PDE3B: variants seen among roughly 807,000 people sequenced by gnomAD.
PDE3B encodes the protein cGMP-inhibited 3',5'-cyclic phosphodiesterase 3B.
In PDE3B, 66 loss-of-function variants were observed where a neutral mutation model predicts 116.8. That is an observed-to-expected ratio of 0.56 (90% CI 0.46 to 0.69). PDE3B has a LOEUF of 0.69. PDE3B is among the 30% of genes least tolerant of loss of function. The pLI is 0.00. For missense variants in PDE3B, 1,384 were observed against 1,368.1 expected (o/e 1.01, Z -0.18); for synonymous variants, 595 against 533.6 (o/e 1.12, Z -1.59).
At chr11:14,765,806 A>T (rs922239374) in intron 1 of PDE3B, among the ~76,000 whole-genome samples, 1 of 149,916 alleles carries the variant, frequency 6.7e-6, no homozygotes, top group Admixed American at 6.7e-5. Flanking sequence ...TGGGATTAAA[A>T]ATTTAATTTT....
At chr11:14,740,688 G>A (rs550975707) in intron 1 of PDE3B, among the ~76,000 whole-genome samples, 1 of 152,284 alleles carries the variant, frequency 6.6e-6, no homozygotes, top group South Asian at 2.1e-4. Context: ...TTTTAATTGT[G>A]ATGTTAGTGC....
chr11:14,718,999 G>T (rs1287459027), intron 1 of PDE3B, among the ~76,000 whole-genome samples: 1 of 109,316 alleles, frequency 9.1e-6, no homozygotes, highest in Non-Finnish European at 1.8e-5. Flanking sequence ...TTTTTGAAAG[G>T]ATCAACAAAA....
At chr11:14,795,778 AGT>A (rs992102951) in intron 4 of PDE3B, among the ~76,000 whole-genome samples, 4 of 151,740 alleles carry the variant, frequency 2.6e-5, no homozygotes, top group African/African-American at 9.7e-5. Flanking sequence ...AAGCTTTTAG[AGT>A]GTGTTTGTAT....
At chr11:14,806,781 C>G (rs1015132942) in intron 5 of PDE3B, among the ~76,000 whole-genome samples, 1 of 149,006 alleles carries the variant, frequency 6.7e-6, no homozygotes, top group African/African-American at 2.5e-5. Context: ...ATGGCATGAA[C>G]CCGGGAGGCG....
chr11:14,725,303 TTCTTTC>T (rs1391499383), intron 1 of PDE3B, among the ~76,000 whole-genome samples: 81 of 118,314 alleles, frequency 6.8e-4, no homozygotes, highest in African/African-American at 2.2e-3. Context: ...CTTTCTTTCT[TTCTTTC>T]TCTTTCTTTC....
chr11:14,736,875 A>T (rs1008923519), intron 1 of PDE3B, among the ~76,000 whole-genome samples: 2 of 152,172 alleles, frequency 1.3e-5, no homozygotes, highest in African/African-American at 4.8e-5. Context: ...CTAAGAAAAG[A>T]TTAAAGAAGT....
chr11:14,745,052 T>G (rs1255270814), intron 1 of PDE3B, among the ~76,000 whole-genome samples: 2 of 152,176 alleles, frequency 1.3e-5, no homozygotes, highest in Non-Finnish European at 2.9e-5. Context: ...CTTGAACTCC[T>G]GAGATCAAGC....
intron 13 of PDE3B, among the ~76,000 whole-genome samples, chr11:14,860,825 G>T (rs1382043421): frequency 6.6e-6 from 1 of 151,890 alleles, no homozygotes; most frequent in African/African-American, 2.4e-5. Flanking sequence ...CTTCTTAAGT[G>T]TTCTTTTTTG....
At chr11:14,649,529 C>T (rs561794182) in intron 1 of PDE3B, among the ~76,000 whole-genome samples, 1 of 152,278 alleles carries the variant, frequency 6.6e-6, no homozygotes, top group South Asian at 2.1e-4. Flanking sequence ...TATATACTTC[C>T]CATCATAGCC....
At chr11:14,732,332 T>C (rs1856480336) in intron 1 of PDE3B, among the ~76,000 whole-genome samples, 2 of 152,228 alleles carry the variant, frequency 1.3e-5, no homozygotes, top group South Asian at 4.1e-4. Flanking sequence ...GCTTAATTTT[T>C]CTGTTGTTAA....
intron 1 of PDE3B, among the ~76,000 whole-genome samples, chr11:14,732,942 C>T (rs761281393): frequency 6.6e-6 from 1 of 152,136 alleles, no homozygotes; most frequent in Non-Finnish European, 1.5e-5. Flanking sequence ...CTGTTTTATT[C>T]ATTGGTTCAT....
chr11:14,687,209 T>A (rs1854903943), intron 1 of PDE3B, among the ~76,000 whole-genome samples: 1 of 152,208 alleles, frequency 6.6e-6, no homozygotes, highest in Non-Finnish European at 1.5e-5. Context: ...TGCTTCTTGC[T>A]AGAATGAAGT....
intron 3 of PDE3B, among the ~76,000 whole-genome samples, chr11:14,787,040 C>A (rs945067071): frequency 1.3e-5 from 2 of 151,734 alleles, no homozygotes; most frequent in African/African-American, 4.8e-5. Flanking sequence ...TCTTGTTGAG[C>A]CAAGAAGAAA....
At chr11:14,885,954 G>T in the PDE3B span, 5 of 1,598,272 alleles carry the variant, frequency 3.1e-6, no homozygotes, top group East Asian at 1.1e-4. Flanking sequence ...TTAAATGACA[G>T]CATGTATGGA....
At chr11:14,809,485 A>G (rs960335799) in intron 5 of PDE3B, among the ~76,000 whole-genome samples, 5 of 152,250 alleles carry the variant, frequency 3.3e-5, no homozygotes, top group African/African-American at 1.2e-4. Flanking sequence ...ACAAAAGACT[A>G]CAAATTGTAC....
chr11:14,773,223 G>A (rs924615929), intron 2 of PDE3B: 1 of 151,950 alleles, frequency 6.6e-6, no homozygotes, highest in Non-Finnish European at 1.5e-5. Context: ...AATGATTCGA[G>A]ATTTTTTTCT....
chr11:14,731,212 C>T (rs1001760330), intron 1 of PDE3B, among the ~76,000 whole-genome samples: 3 of 151,264 alleles, frequency 2.0e-5, no homozygotes, highest in Non-Finnish European at 2.9e-5. Context: ...TATACCCTTC[C>T]ACCATCATTT....
intron 1 of PDE3B, among the ~76,000 whole-genome samples, chr11:14,710,295 AT>A (rs1415363931): frequency 6.6e-6 from 1 of 152,052 alleles, no homozygotes; most frequent in Non-Finnish European, 1.5e-5. Context: ...TAGATGATTT[AT>A]TTTTTTGATT....
intron 4 of PDE3B, among the ~76,000 whole-genome samples, chr11:14,800,459 C>T (rs990411960): frequency 6.6e-6 from 1 of 151,952 alleles, no homozygotes; most frequent in Non-Finnish European, 1.5e-5. Flanking sequence ...AGAGAGACTC[C>T]ATCTCAAAAA....
Sources: gnomAD v4.1 joint callset for allele counts (sites outside exome capture counted in the v4.1 genomes callset) on GRCh38, gnomAD v4.1.1 for gene constraint, MANE v1.5 for transcripts, NCBI Gene and HGNC (gene_info 2026-07-23, HGNC 2026-07-21) for gene names.